SNX30: variants seen among roughly 807,000 people sequenced by gnomAD.
SNX30 encodes the protein sorting nexin family member 30.
A neutral mutation model predicts 46.4 loss-of-function variants in SNX30; 24 were observed. The ratio of observed to expected loss-of-function variants is 0.52; its 90% CI spans 0.37 to 0.73. SNX30 has a LOEUF of 0.73. Ranked by LOEUF, SNX30 falls within the 30% of genes least tolerant of loss-of-function variation. The pLI is 0.00. For missense variants in SNX30, 533 were observed against 555.7 expected, an observed-to-expected ratio of 0.96 and a Z score of 0.41; for synonymous variants, 189 against 211.5, an observed-to-expected ratio of 0.89 and a Z score of 0.92.
chr9:112,807,878 A>G (rs549958090), intron 2 of SNX30, among the ~76,000 whole-genome samples: 16 of 152,192 alleles, frequency 1.1e-4, no homozygotes, highest in East Asian at 1.9e-4. Flanking sequence ...TTGATTTCCT[A>G]TAAGTCATTA....
rs558977136 is a variant in SNX30, at chr9:112,757,620, G to A, written c.156+6463G>A. Reference sequence around the variant, plus strand: ...TGTACCAATCTACATTCCTAACAGCGTTGTACAAAAGTTCCCTTTTCCCCG... The same window carrying A: ...TGTACCAATCTACATTCCTAACAGCATTGTACAAAAGTTCCCTTTTCCCCG... On this transcript the variant is annotated intron_variant, in intron 1 of 8. Transcript: ENST00000374232. Among the ~76,000 whole-genome samples the A allele has an allele frequency of 6.6e-5, 10 of 152,240 alleles. No individual in the cohort carries two copies. In the South Asian group the frequency reaches 1.5e-3, roughly 22 times the overall value.
rs575822538 is a variant in SNX30 at position 112,864,511 on chromosome 9, T to C, written c.1254+112T>C. ...CTAGTCTCATCTCCTTCCCTTATTTTAGCTGCTTAGTCTTGGCTCCCGCTT... is the reference window on the plus strand; with the variant it reads ...CTAGTCTCATCTCCTTCCCTTATTTCAGCTGCTTAGTCTTGGCTCCCGCTT... On this transcript the variant is annotated intron_variant, in intron 8 of 8. Coordinates refer to ENST00000374232, the MANE Select transcript of SNX30 (RefSeq NM_001012994.2). 44 of 1,406,536 alleles carry C rather than the reference T, an allele frequency of 3.1e-5. No individual in the cohort carries two copies. In the East Asian group the frequency reaches 9.0e-4, roughly 29 times the overall value. 87.1% of individuals were successfully genotyped at this position (1,406,536 alleles called of 1,614,324 possible).
downstream of SNX30, chr9:112,878,519 G>A (rs996020681): frequency 6.6e-6 from 1 of 152,248 alleles, no homozygotes; most frequent in Non-Finnish European, 1.5e-5. Flanking sequence ...TGAGGTTGGA[G>A]AGGTTGAACG....
In SNX30 at chr9:112,869,465, A is replaced by G. The variant is rs1841411007; in HGVS notation, c.*622A>G. ...CATAGGGACATTTAAATCAATGTCA[A>G]TGTGCGTCCATGCTTGAGTGAGCAA... On this transcript the variant is annotated 3_prime_UTR_variant, in exon 9 of 9. Transcript: ENST00000374232. 2 of 152,896 alleles carry G rather than the reference A, an allele frequency of 1.3e-5. No homozygotes were observed. Among genetic ancestry groups the G allele is most frequent in the African/African-American group, 2.4e-5 (1 of 41,436 alleles). 9.5% of individuals were successfully genotyped at this position (152,896 alleles called of 1,614,324 possible). A position where few individuals can be genotyped will look rare whatever the true frequency, so the allele number is the denominator to read the frequency against.
chr9:112,847,562 C>T (rs991101274), intron 6 of SNX30, among the ~76,000 whole-genome samples: 3 of 151,852 alleles, frequency 2.0e-5, no homozygotes, highest in Non-Finnish European at 4.4e-5. Context: ...AATTGAGATC[C>T]AAACAGGATC....
chr9:112,865,470 G>A (rs554173065), intron 8 of SNX30, among the ~76,000 whole-genome samples: 214 of 151,648 alleles, frequency 1.4e-3, no homozygotes, highest in African/African-American at 4.8e-3. Flanking sequence ...GATACAAAAT[G>A]AGCCAGGTGT....
chr9:112,797,949 T>A (rs1355293639), intron 1 of SNX30, among the ~76,000 whole-genome samples: 1 of 147,948 alleles, frequency 6.8e-6, no homozygotes, highest in Non-Finnish European at 1.5e-5. Context: ...TGACCTCAAG[T>A]GATCTGCCTG....
chr9:112,830,675 C>G, intron 3 of SNX30, 50 bp from the exon 4 acceptor site: 1 of 1,563,638 alleles, frequency 6.4e-7, no homozygotes, highest in Non-Finnish European at 8.6e-7. Flanking sequence ...GTTGTTTTTC[C>G]TTGCACCATC....
rs143717287 is a variant in SNX30, at chr9:112,861,082, A to G, written c.1102-3165A>G. Among the ~76,000 whole-genome samples, 312 of 152,350 alleles carry G rather than the reference A, an allele frequency of 2.0e-3. 1 individual carries two copies. Among genetic ancestry groups the G allele is most frequent in the African/African-American group, 7.1e-3 (295 of 41,574 alleles). ...AGCAGGAAGGGAGCTGACTGCCCAG[A>G]AACAAAGGCTTGCTGGGGATTTCAT... On this transcript the variant is annotated intron_variant, in intron 7 of 8. Transcript: ENST00000374232.
intron 1 of SNX30, among the ~76,000 whole-genome samples, chr9:112,785,736 C>T (rs961033918): frequency 1.3e-5 from 2 of 152,066 alleles, no homozygotes; most frequent in African/African-American, 4.8e-5. Flanking sequence ...CACTAGGTTG[C>T]CTAGGTTGTT....
chr9:112,806,104 G>A (rs983486953), intron 2 of SNX30, among the ~76,000 whole-genome samples: 22 of 152,064 alleles, frequency 1.4e-4, no homozygotes, highest in Non-Finnish European at 1.0e-4. Flanking sequence ...TTGCTGTGGG[G>A]GGCTGTCTTA....
intron 1 of SNX30, among the ~76,000 whole-genome samples, chr9:112,784,840 CT>C (rs1251802872): frequency 6.6e-6 from 1 of 152,174 alleles, no homozygotes; most frequent in Non-Finnish European, 1.5e-5. Context: ...ATTATTCTGG[CT>C]TTCTTCTGGG....
chr9:112,857,795 A>ATCCATCCATCCATCCAT (rs1564293902), intron 7 of SNX30, among the ~76,000 whole-genome samples: 4 of 149,342 alleles, frequency 2.7e-5, no homozygotes, highest in African/African-American at 9.9e-5. Flanking sequence ...CATCCATCCA[A>ATCCATCCATCCATCCAT]CCATCCATCC....
intron 6 of SNX30, among the ~76,000 whole-genome samples, chr9:112,845,522 C>T (rs1052900315): frequency 1.3e-5 from 2 of 152,102 alleles, no homozygotes; most frequent in African/African-American, 2.4e-5. Context: ...AACTGGGGGT[C>T]GATTCTCTGG....
chr9:112,865,090 C>T lies in SNX30; in HGVS notation c.1254+691C>T, dbSNP rs371881678. On this transcript the variant is annotated intron_variant, in intron 8 of 8. Coordinates refer to ENST00000374232, the MANE Select transcript of SNX30 (RefSeq NM_001012994.2). ...CCACACTACACACACACCACACATA[C>T]ACCACACACCCCCCATACTACATGC... 4.7e-5 allele frequency among the ~76,000 whole-genome samples: 6 copies of T among 127,364 alleles called. No individual in the cohort carries two copies. In the South Asian group the frequency reaches 1.1e-3, roughly 23 times the overall value. The allele number at this position is 127,364 out of a possible 152,430, so 83.6% of individuals were successfully genotyped here.
chr9:112,769,369 T>A (rs1839607852), intron 1 of SNX30, among the ~76,000 whole-genome samples: 1 of 152,202 alleles, frequency 6.6e-6, no homozygotes, highest in Admixed American at 6.5e-5. Flanking sequence ...GCATCACTTC[T>A]CCATCACTGC....
chr9:112,876,707 C>T (rs1841521066), downstream of SNX30, among the ~76,000 whole-genome samples: 1 of 151,846 alleles, frequency 6.6e-6, no homozygotes, highest in African/African-American at 2.4e-5. Context: ...GAGGTCGAGG[C>T]AGGTGGATCA....
intron 1 of SNX30, among the ~76,000 whole-genome samples, chr9:112,804,253 C>T (rs10817387): frequency 0.06 from 9,132 of 152,190 alleles, 619 homozygotes; most frequent in African/African-American, 0.16. Context: ...CAACCTCCGC[C>T]TCCCAGGTTC....
chr9:112,758,314 A>T (rs1418003953), intron 1 of SNX30, among the ~76,000 whole-genome samples: 1 of 149,272 alleles, frequency 6.7e-6, no homozygotes, highest in Admixed American at 6.7e-5. Flanking sequence ...CAATATTTAA[A>T]CATGCTCAAG....
Sources: gnomAD v4.1 joint callset for allele counts (sites outside exome capture counted in the v4.1 genomes callset) on GRCh38, gnomAD v4.1.1 for gene constraint, MANE v1.5 for transcripts, NCBI Gene and HGNC (gene_info 2026-07-23, HGNC 2026-07-21) for gene names.